Variants in KLRC1 observed in about 807,000 individuals in gnomAD.
KLRC1 encodes the protein NKG2-A/NKG2-B type II integral membrane protein.
A neutral mutation model predicts 25.9 loss-of-function variants in KLRC1; 22 were observed. That is an observed-to-expected ratio of 0.85 (90% CI 0.61 to 1.21). The LOEUF (loss-of-function observed/expected upper bound fraction) is 1.21, where lower values mean the gene tolerates loss of function less well. KLRC1 is among the 50% of genes most tolerant of loss of function. The pLI, the probability that KLRC1 is intolerant of heterozygous loss-of-function variation, is 0.00. For missense variants in KLRC1, 240 were observed against 272.2 expected (o/e 0.88, Z 0.83); for synonymous variants, 77 against 93.1 (o/e 0.83, Z 0.99).
chr12:10,444,476 C>T (rs1246340082), downstream of KLRC1, among the ~76,000 whole-genome samples: 3 of 152,134 alleles, frequency 2.0e-5, no homozygotes, highest in Admixed American at 1.3e-4. Flanking sequence ...GCCACCACAA[C>T]TGGCCTATTT....
At chr12:10,450,413 A>G in intron 3 of KLRC1, 71 bp downstream of exon 3, 1 of 806,316 alleles carries the variant, frequency 1.2e-6, no homozygotes, top group Non-Finnish European at 2.1e-6. Flanking sequence ...CCCTGAAAAT[A>G]TGAAATGTTT....
chr12:10,445,789 T>A (rs1002213061), downstream of KLRC1, among the ~76,000 whole-genome samples: 8 of 151,986 alleles, frequency 5.3e-5, no homozygotes, highest in African/African-American at 1.9e-4. Context: ...ACAACAAAAA[T>A]TACTAAAGGG....
intron 5 of KLRC1, 139 bp downstream of exon 5, chr12:10,449,098 A>G: frequency 9.0e-7 from 1 of 1,111,254 alleles, no homozygotes; most frequent in Non-Finnish European, 1.3e-6. Context: ...AAACATTATT[A>G]AGTCAATCAA....
Position 10,450,881 on chromosome 12 carries a change from T to G in KLRC1, c.187+89A>C, listed in dbSNP as rs1156585243. 4.3e-6 allele frequency: 4 copies of G among 937,542 alleles called. No homozygotes were observed. In the East Asian group the frequency reaches 9.6e-5, roughly 23 times the overall value. The allele number at this position is 937,542 out of a possible 1,614,324, so 58.1% of individuals were successfully genotyped here. ...TTCTGATCTTTGCAAATAGAAGATA[T>G]ATGAGCACTCCCTTCTCTTTCCCCA... On this transcript the variant is annotated intron_variant, in intron 2 of 6. Coordinates refer to ENST00000359151, the MANE Select transcript of KLRC1 (RefSeq NM_002259.5).
Position 10,450,262 on chromosome 12 carries a change from GT to G in KLRC1, c.283+221del, listed in dbSNP as rs1565513086. ...TCAGACTCCTAGAACATATTTTTGA[GT>G]TATGAAATCCAAATATATACATACG... On this transcript the variant is annotated intron_variant, in intron 3 of 6. Coordinates refer to ENST00000359151, the MANE Select transcript of KLRC1 (RefSeq NM_002259.5). 6.4e-6 allele frequency: 3 copies of G among 465,910 alleles called. No individual in the cohort carries two copies. The East Asian group carries it at 1.0e-4, about 16-fold the overall frequency. The allele number at this position is 465,910 out of a possible 1,614,324, so 28.9% of individuals were successfully genotyped here.
downstream of KLRC1, among the ~76,000 whole-genome samples, chr12:10,444,426 C>T (rs1475609072): frequency 2.0e-5 from 3 of 151,856 alleles, no homozygotes; most frequent in East Asian, 5.8e-4. Context: ...AAGGGCCAGG[C>T]ACAATGATGC....
upstream of KLRC1, among the ~76,000 whole-genome samples, chr12:10,453,535 G>T (rs1415673465): frequency 2.0e-5 from 3 of 151,272 alleles, no homozygotes; most frequent in Non-Finnish European, 4.4e-5. Context: ...GTGTCATTTA[G>T]TTGGTTCATT....
intron 1 of KLRC1, among the ~76,000 whole-genome samples, chr12:10,451,462 C>G (rs1242259579): frequency 6.6e-6 from 1 of 152,104 alleles, no homozygotes; most frequent in Non-Finnish European, 1.5e-5. Flanking sequence ...TCGAGACCAT[C>G]CTGGCTAACA....
At chr12:10,452,428 C>T (rs1354961194) in intron 1 of KLRC1, among the ~76,000 whole-genome samples, 1 of 152,044 alleles carries the variant, frequency 6.6e-6, no homozygotes, top group Non-Finnish European at 1.5e-5. Context: ...TAATGTGCGA[C>T]CTTTAAAAAG....
chr12:10,447,529 T>C lies in KLRC1; in HGVS notation c.590+3A>G, dbSNP rs1864015410. ...TTATATAGCGCCATACAAAACAACTTACTCATGTTTGAAAGCCAAACCATT... is the reference window on the plus strand; with the variant it reads ...TTATATAGCGCCATACAAAACAACTCACTCATGTTTGAAAGCCAAACCATT... On this transcript the variant is annotated splice_donor_region_variant and intron_variant, in intron 6 of 6. Transcript: ENST00000359151. The C allele has an allele frequency of 1.9e-6, 3 of 1,604,792 alleles. No individual in the cohort carries two copies. The highest frequency in any genetic ancestry group is 1.3e-5 in the African/African-American group (1 of 74,746).
Position 10,449,241 on chromosome 12 carries a change from T to C in KLRC1, c.485A>G (p.Glu162Gly), listed in dbSNP as rs773012109. The C allele has an allele frequency of 5.6e-6, 9 of 1,613,698 alleles. No homozygotes were observed. The South Asian group carries it at 7.7e-5, about 14-fold the overall frequency. The change falls in exon 5 of 7, where the codon GAA becomes GGA. Residue 162 changes from glutamate to glycine, a missense_variant. Coordinates refer to ENST00000359151, the MANE Select transcript of KLRC1 (RefSeq NM_002259.5). ...TTTAAAACATTTACATCTTACCATT[T>C]CTTCTTCATTATCTATAGAAAGCAG... Reference protein sequence around the residue: ...SSLLSIDNEEEMKFLSIISPS... With the variant: ...SSLLSIDNEEGMKFLSIISPS...
At chr12:10,445,008 C>T (rs541921744), downstream of KLRC1, among the ~76,000 whole-genome samples, 16 of 150,842 alleles carry the variant, frequency 1.1e-4, no homozygotes, top group Non-Finnish European at 2.4e-4. Context: ...CAACCTCCGA[C>T]CCCTGGTTTG....
At chr12:10,444,106 C>A (rs1863944254), downstream of KLRC1, among the ~76,000 whole-genome samples, 1 of 137,590 alleles carries the variant, frequency 7.3e-6, no homozygotes, top group African/African-American at 2.9e-5. Flanking sequence ...GAATGAAAAT[C>A]TCTCTTGTAA....
chr12:10,443,030 G>A (rs1863931193), downstream of KLRC1, among the ~76,000 whole-genome samples: 1 of 118,210 alleles, frequency 8.5e-6, no homozygotes, highest in Non-Finnish European at 1.8e-5. Flanking sequence ...AGGTGAAAAT[G>A]GTTAATTAAT....
chr12:10,443,761 A>G (rs1440862073), downstream of KLRC1, among the ~76,000 whole-genome samples: 2 of 140,756 alleles, frequency 1.4e-5, no homozygotes, highest in Non-Finnish European at 3.1e-5. Context: ...AGTAAAAAAT[A>G]TAGGACTATG....
chr12:10,449,115 A>C, intron 5 of KLRC1, 122 bp downstream of exon 5: 7 of 1,225,260 alleles, frequency 5.7e-6, no homozygotes, highest in Non-Finnish European at 8.0e-6. Context: ...TCAATTAAAT[A>C]CTACATAAAC....
upstream of KLRC1, chr12:10,454,662 T>C: frequency 1.0e-6 from 1 of 983,438 alleles, no homozygotes; most frequent in Non-Finnish European, 1.2e-6. Flanking sequence ...GCCCTGAATC[T>C]CCACTCAAAC....
At chr12:10,442,973 G>A (rs1218386891), downstream of KLRC1, among the ~76,000 whole-genome samples, 1 of 88,782 alleles carries the variant, frequency 1.1e-5, no homozygotes, top group African/African-American at 4.8e-5. Context: ...ACAGTAGAAG[G>A]ATGGTTACCA....
rs191263231 is a variant in KLRC1 at position 10,453,242 on chromosome 12, G to T, written c.-76C>A. On this transcript the variant is annotated 5_prime_UTR_variant, in exon 1 of 7. Transcript: ENST00000359151. ...ACACATCCTTTAGTGGAGAGGCCAGGTTAGTCTCATAAAAAGGCCTGCTAT... is the reference window on the plus strand; with the variant it reads ...ACACATCCTTTAGTGGAGAGGCCAGTTTAGTCTCATAAAAAGGCCTGCTAT... 2.0e-6 allele frequency: 2 copies of T among 985,256 alleles called. No homozygotes were observed. The highest frequency in any genetic ancestry group is 3.5e-5 in the African/African-American group (2 of 57,308). 61.0% of individuals were successfully genotyped at this position (985,256 alleles called of 1,614,324 possible). A position where few individuals can be genotyped will look rare whatever the true frequency, so the allele number is the denominator to read the frequency against.
Sources: gnomAD v4.1 joint callset for allele counts (sites outside exome capture counted in the v4.1 genomes callset) on GRCh38, gnomAD v4.1.1 for gene constraint, MANE v1.5 for transcripts, NCBI Gene and HGNC (gene_info 2026-07-23, HGNC 2026-07-21) for gene names.